The following DTNA variants were observed in gnomAD, a reference collection of about 807,000 sequenced individuals.
DTNA encodes dystrophin-related protein 3.
A neutral mutation model predicts 100.7 loss-of-function variants in DTNA; 43 were observed. The ratio of observed to expected loss-of-function variants is 0.43; its 90% confidence interval spans 0.33 to 0.55. The LOEUF (loss-of-function observed/expected upper bound fraction) is 0.55, where lower values mean the gene tolerates loss of function less well. Among genes scored for constraint, DTNA ranks in the 20% least tolerant of loss-of-function variants. DTNA has a pLI of 0.04. For synonymous variants in DTNA, 349 were observed against 347.9 expected, an observed-to-expected ratio of 1.00 and a Z score of -0.04; for missense variants, 798 against 953.9, an observed-to-expected ratio of 0.84 and a Z score of 2.15.
chr18:34,732,853 A>G (rs1462402081), intron 1 of DTNA, among the ~76,000 whole-genome samples: 3 of 152,198 alleles, frequency 2.0e-5, no homozygotes, highest in Admixed American at 6.5e-5. Context: ...GGGTTCTGAC[A>G]GCTGCTAAGT....
intron 1 of DTNA, among the ~76,000 whole-genome samples, chr18:34,665,028 A>G (rs1203679661): frequency 6.6e-6 from 1 of 151,732 alleles, no homozygotes; most frequent in Non-Finnish European, 1.5e-5. Flanking sequence ...GAGTCAGATG[A>G]AAATGCTAAG....
intron 1 of DTNA, among the ~76,000 whole-genome samples, chr18:34,534,461 G>GTCAA (rs1200046944): frequency 6.6e-6 from 1 of 151,828 alleles, no homozygotes; most frequent in Non-Finnish European, 1.5e-5. Context: ...AGACAGACAG[G>GTCAA]GCATCAAGCA....
chr18:34,648,986 A>G (rs1293397998), intron 1 of DTNA, among the ~76,000 whole-genome samples: 1 of 152,182 alleles, frequency 6.6e-6, no homozygotes, highest in Non-Finnish European at 1.5e-5. Flanking sequence ...TTAATGTTTT[A>G]GGAAGTAATT....
Position 34,812,050 on chromosome 18 carries a change from A to C in DTNA, c.540A>C (p.Ala180=). 6.2e-7 allele frequency: 1 copy of C among 1,614,086 alleles called. No homozygotes were observed. Among genetic ancestry groups the C allele is most frequent in the Non-Finnish European group, 8.5e-7 (1 of 1,179,964 alleles). The part of the protein sequence containing the change: ...FLREVLKLPT[A]VFEGPSFGYT... ...GGGAAGTTCTCAAACTACCCACGGC[A>C]GTTTTTGAAGGTCCTTCATTTGGTT... Residue 180 remains alanine (A), a synonymous_variant, in exon 6 of 23, where the codon GCA becomes GCC. Transcript: ENST00000444659.
At chr18:34,552,693 C>T (rs1326530833) in intron 1 of DTNA, among the ~76,000 whole-genome samples, 2 of 151,648 alleles carry the variant, frequency 1.3e-5, no homozygotes, top group Non-Finnish European at 1.5e-5. Context: ...CATGTCCCTA[C>T]AAAGGACATG....
intron 1 of DTNA, among the ~76,000 whole-genome samples, chr18:34,517,358 CA>C (rs2041732875): frequency 6.6e-6 from 1 of 151,922 alleles, no homozygotes; most frequent in Non-Finnish European, 1.5e-5. Flanking sequence ...CCAATTTACC[CA>C]ATGGTAACAG....
chr18:34,784,836 TCC>T (rs1415086809), intron 3 of DTNA, among the ~76,000 whole-genome samples: 2 of 152,226 alleles, frequency 1.3e-5, no homozygotes, highest in African/African-American at 4.8e-5. Flanking sequence ...TTGTTCCATT[TCC>T]CAACTCTGTG....
intron 11 of DTNA, among the ~76,000 whole-genome samples, chr18:34,833,860 G>C (rs1178068818): frequency 6.6e-6 from 1 of 152,152 alleles, no homozygotes; most frequent in Non-Finnish European, 1.5e-5. Flanking sequence ...ATTCTGATTT[G>C]AAGACAAGGC....
chr18:34,805,516 G>A (rs923147877), intron 4 of DTNA, among the ~76,000 whole-genome samples: 2 of 152,050 alleles, frequency 1.3e-5, no homozygotes, highest in South Asian at 2.1e-4. Context: ...GTAGAGACAG[G>A]ATATCACCAT....
intron 3 of DTNA, among the ~76,000 whole-genome samples, chr18:34,790,902 G>A (rs1218273071): frequency 1.3e-5 from 2 of 152,136 alleles, no homozygotes; most frequent in Non-Finnish European, 2.9e-5. Flanking sequence ...GAGATATACA[G>A]TCCATAGGAC....
At chr18:34,593,049 T>C (rs1386234257) in intron 1 of DTNA, among the ~76,000 whole-genome samples, 1 of 152,102 alleles carries the variant, frequency 6.6e-6, no homozygotes, top group African/African-American at 2.4e-5. Context: ...TTTCTGGCAG[T>C]GAGTAGGGGG....
chr18:34,542,775 G>T (rs563408469), intron 1 of DTNA, among the ~76,000 whole-genome samples: 1 of 152,052 alleles, frequency 6.6e-6, no homozygotes, highest in South Asian at 2.1e-4. Context: ...AATAGAAAAG[G>T]CACAGAATCA....
chr18:34,586,831 G>A lies in DTNA; in HGVS notation c.-2+93317G>A, dbSNP rs74993368. Among the ~76,000 whole-genome samples the A allele has an allele frequency of 8.2e-3, 1,241 of 152,232 alleles. 4 individuals are homozygous for A. Among genetic ancestry groups the A allele is most frequent in the Non-Finnish European group, 0.012 (837 of 68,012 alleles). ...CAATAGAGGTGGTCCTCTGTCCCTGGGATGAAGTTGGACATTCTGGTTTCA... is the reference window on the plus strand; with the variant it reads ...CAATAGAGGTGGTCCTCTGTCCCTGAGATGAAGTTGGACATTCTGGTTTCA... On this transcript the variant is annotated intron_variant, in intron 1 of 19. Coordinates refer to the DTNA transcript ENST00000283365.
chr18:34,665,254 CAA>C (rs2075746541), intron 1 of DTNA, among the ~76,000 whole-genome samples: 2 of 151,994 alleles, frequency 1.3e-5, no homozygotes, highest in African/African-American at 4.8e-5. Flanking sequence ...CTTAGGGAAA[CAA>C]GATATACATT....
intron 3 of DTNA, among the ~76,000 whole-genome samples, chr18:34,784,083 A>G (rs1016157700): frequency 6.6e-6 from 1 of 152,176 alleles, no homozygotes; most frequent in Non-Finnish European, 1.5e-5. Flanking sequence ...TGCCCTGGCC[A>G]CACTCTAGAC....
chr18:34,651,462 T>C (rs1189970500), intron 1 of DTNA, among the ~76,000 whole-genome samples: 1 of 152,208 alleles, frequency 6.6e-6, no homozygotes, highest in Non-Finnish European at 1.5e-5. Context: ...ATCCTAGGCT[T>C]TCCTCATTCA....
intron 1 of DTNA, among the ~76,000 whole-genome samples, chr18:34,664,168 G>A (rs566192863): frequency 1.3e-5 from 2 of 152,006 alleles, no homozygotes; most frequent in Non-Finnish European, 2.9e-5. Context: ...CTTCATATTT[G>A]TCAACCAAAA....
chr18:34,791,821 C>T lies in DTNA; in HGVS notation c.149-2216C>T, dbSNP rs1362518864. On this transcript the variant is annotated intron_variant, in intron 3 of 22. Coordinates refer to ENST00000444659, the MANE Select transcript of DTNA (RefSeq NM_001386795.1). ...CTATAATGCATTGTCTGCTAGGTAC[C>T]AGGAACTACCACTTTTTACTCTATG... 5.3e-5 allele frequency among the ~76,000 whole-genome samples: 8 copies of T among 152,076 alleles called. No individual in the cohort carries two copies. In the East Asian group the frequency reaches 1.2e-3, roughly 22 times the overall value.
intron 1 of DTNA, among the ~76,000 whole-genome samples, chr18:34,652,315 A>G (rs1298492577): frequency 6.6e-6 from 1 of 152,174 alleles, no homozygotes; most frequent in Non-Finnish European, 1.5e-5. Flanking sequence ...GCATGAGCTC[A>G]GAACTCATCA....
Sources: allele counts gnomAD v4.1 joint callset (sites outside exome capture counted in the v4.1 genomes callset), GRCh38; gene constraint gnomAD v4.1.1; transcripts MANE v1.5; gene names NCBI Gene and HGNC (gene_info 2026-07-23, HGNC 2026-07-21).